The following PHACTR3 variants were observed in gnomAD, a reference collection of about 807,000 sequenced individuals.
PHACTR3 encodes the protein protein phosphatase 1, regulatory subunit 123.
Under a neutral mutation model 66.8 loss-of-function variants are expected in PHACTR3, and 16 were observed. That is an observed-to-expected ratio of 0.24 (90% CI 0.16 to 0.36). The LOEUF is 0.36. Among genes scored for constraint, PHACTR3 ranks in the 10% least tolerant of loss-of-function variants. The pLI, the probability that PHACTR3 is intolerant of heterozygous loss-of-function variation, is 1.00. For synonymous variants in PHACTR3, 323 were observed against 292.1 expected (o/e 1.11, Z -1.08); for missense variants, 647 against 719.9 (o/e 0.90, Z 1.16).
chr20:59,746,277 G>GC (rs2039367114), intron 2 of PHACTR3, among the ~76,000 whole-genome samples: 1 of 152,110 alleles, frequency 6.6e-6, no homozygotes, highest in African/African-American at 2.4e-5. Flanking sequence ...CCAGACAACT[G>GC]CCCCCCAGTC....
At chr20:59,664,607 C>T (rs1279453346) in intron 1 of PHACTR3, among the ~76,000 whole-genome samples, 1 of 152,230 alleles carries the variant, frequency 6.6e-6, no homozygotes, top group African/African-American at 2.4e-5. Context: ...CCCTCCTGAT[C>T]CCGGGAGCCA....
At chr20:59,745,511 C>T (rs1201779201) in intron 2 of PHACTR3, among the ~76,000 whole-genome samples, 1 of 152,262 alleles carries the variant, frequency 6.6e-6, no homozygotes, top group Non-Finnish European at 1.5e-5. Flanking sequence ...ATTCGAGGAA[C>T]AGTGCTGCAT....
chr20:59,716,170 G>A (rs2146661976), intron 1 of PHACTR3, among the ~76,000 whole-genome samples: 1 of 151,338 alleles, frequency 6.6e-6, no homozygotes, highest in Admixed American at 6.6e-5. Flanking sequence ...TCAGCAATGA[G>A]GTTCCCTGCC....
At chr20:59,681,643 A>C (rs761895795) in intron 1 of PHACTR3, among the ~76,000 whole-genome samples, 1 of 152,270 alleles carries the variant, frequency 6.6e-6, no homozygotes, top group African/African-American at 2.4e-5. Context: ...TTTAATGTTC[A>C]TAAGCTTCAG....
intron 1 of PHACTR3, among the ~76,000 whole-genome samples, chr20:59,674,373 T>TTCCTTCCCCTTCTCCC (rs1568696505): frequency 2.8e-5 from 4 of 142,090 alleles, no homozygotes; most frequent in South Asian, 2.3e-4. Context: ...CCCCTTCTCC[T>TTCCTTCCCCTTCTCCC]GTTCCTTCCC....
Position 59,755,286 on chromosome 20 carries a change from G to A in PHACTR3, c.463G>A (p.Gly155Arg), listed in dbSNP as rs774977196. Residue 155 changes from glycine (G) to arginine (R), a missense_variant, in exon 4 of 13, where the codon GGA becomes AGA. Around this residue, in one of 2 missense-constraint regions of PHACTR3, gnomAD observed 577 missense variants for 571.1 expected, o/e 1.01. Coordinates refer to ENST00000371015, the MANE Select transcript of PHACTR3 (RefSeq NM_080672.5). ...GCTGACTTCAGAAGATGCCCAGCCC[G>A]GAAGCCCCTTGGCCACTGGGACGGA... is the stretch of plus-strand genomic sequence containing the variant. ...ETLTSEDAQP[G>R]SPLATGTDQV... 26 of 1,613,464 alleles carry A rather than the reference G, an allele frequency of 1.6e-5. No homozygotes were observed. Among genetic ancestry groups the A allele is most frequent in the South Asian group, 4.4e-5 (4 of 91,080 alleles).
At chr20:59,616,236 C>G (rs2034019695) in intron 1 of PHACTR3, among the ~76,000 whole-genome samples, 1 of 152,108 alleles carries the variant, frequency 6.6e-6, no homozygotes, top group African/African-American at 2.4e-5. Context: ...GTTCCTGGGA[C>G]ACAGGAAGAT....
intron 11 of PHACTR3, chr20:59,844,480 G>A (rs2059117195): frequency 6.6e-6 from 1 of 152,074 alleles, no homozygotes; most frequent in African/African-American, 2.4e-5. Flanking sequence ...AATACAGTGT[G>A]TATACACAGC....
At chr20:59,696,291 A>G (rs1568721247) in intron 1 of PHACTR3, among the ~76,000 whole-genome samples, 1 of 152,186 alleles carries the variant, frequency 6.6e-6, no homozygotes, top group Non-Finnish European at 1.5e-5. Flanking sequence ...GCAATAGTAC[A>G]ATGACGCTGC....
intron 8 of PHACTR3, among the ~76,000 whole-genome samples, chr20:59,827,259 A>C (rs113871170): frequency 0.013 from 1,911 of 152,078 alleles, 42 homozygotes; most frequent in African/African-American, 0.044. Context: ...TTGGTGCCTC[A>C]CCTGAGCCCT....
At chr20:59,767,453 T>C (rs76934819) in intron 5 of PHACTR3, 58 bp downstream of exon 5, 48,915 of 1,512,060 alleles carry the variant, frequency 0.032, 899 homozygotes, top group Non-Finnish European at 0.039. Flanking sequence ...TCCATCCATC[T>C]ATCCTACATT....
chr20:59,713,623 C>T (rs2037983047), intron 1 of PHACTR3, among the ~76,000 whole-genome samples: 1 of 152,072 alleles, frequency 6.6e-6, no homozygotes. Context: ...TATAGTATTC[C>T]AATGTGTGAA....
intron 7 of PHACTR3, among the ~76,000 whole-genome samples, chr20:59,780,554 A>G (rs1316453027): frequency 1.3e-5 from 2 of 152,144 alleles, no homozygotes; most frequent in African/African-American, 4.8e-5. Flanking sequence ...GGTTCCACCT[A>G]ATGATCTAAT....
intron 8 of PHACTR3, among the ~76,000 whole-genome samples, chr20:59,827,648 AAC>A (rs1458300873): frequency 6.6e-6 from 1 of 152,104 alleles, no homozygotes; most frequent in Non-Finnish European, 1.5e-5. Flanking sequence ...CTGGGAGGCC[AAC>A]TCCACGTACC....
intron 1 of PHACTR3, among the ~76,000 whole-genome samples, chr20:59,635,194 CT>C (rs2034843887): frequency 9.1e-5 from 5 of 54,980 alleles, no homozygotes; most frequent in Non-Finnish European, 1.0e-4. Context: ...TTCTTTCTTT[CT>C]CTTTCTTTCT....
chr20:59,759,524 GA>G (rs1284810128), intron 4 of PHACTR3, among the ~76,000 whole-genome samples: 2 of 152,190 alleles, frequency 1.3e-5, no homozygotes, highest in East Asian at 3.8e-4. Flanking sequence ...CCCTTTCCAT[GA>G]AGGTTAAGAG....
chr20:59,775,330 G>A lies in PHACTR3; in HGVS notation c.1174+840G>A, dbSNP rs961303963. On this transcript the variant is annotated intron_variant, in intron 7 of 12. Coordinates refer to ENST00000371015, the MANE Select transcript of PHACTR3 (RefSeq NM_080672.5). ...GGAAGCGTCCGTTGCTGTTCTTCCT[G>A]GAAGCATCTCATGGTGACTGTTGCG... 3.9e-5 allele frequency among the ~76,000 whole-genome samples: 6 copies of A among 152,146 alleles called. No individual in the cohort carries two copies. In the South Asian group the frequency reaches 8.3e-4, roughly 21 times the overall value.
chr20:59,756,439 G>A (rs1410994660), intron 4 of PHACTR3, among the ~76,000 whole-genome samples: 1 of 152,210 alleles, frequency 6.6e-6, no homozygotes, highest in Non-Finnish European at 1.5e-5. Context: ...ACACAAGGGT[G>A]GCACCACACA....
chr20:59,845,066 T>C (rs1244216551), intron 11 of PHACTR3, 123 bp from the exon 12 acceptor site: 2 of 594,672 alleles, frequency 3.4e-6, no homozygotes, highest in Non-Finnish European at 5.8e-6. Flanking sequence ...AAATTGTTTG[T>C]TTTTTTCTGT....
Sources: gnomAD v4.1 joint callset for allele counts (sites outside exome capture counted in the v4.1 genomes callset) on GRCh38, gnomAD v4.1.1 for gene constraint, gnomAD v4.1.1 regional missense constraint, MANE v1.5 for transcripts, NCBI Gene and HGNC (gene_info 2026-07-23, HGNC 2026-07-21) for gene names.